The following SLC35D2 variants were observed in gnomAD, a reference collection of about 807,000 sequenced individuals.
SLC35D2 encodes solute carrier family 35 member D2.
In SLC35D2, 43 loss-of-function variants were observed where a neutral mutation model predicts 41.8. The observed-to-expected ratio is 1.03, with a 90% confidence interval of 0.81 to 1.33. SLC35D2 has a LOEUF of 1.33. Ranked by LOEUF, SLC35D2 falls within the 40% of genes most tolerant of loss-of-function variation. The pLI, the probability that SLC35D2 is intolerant of heterozygous loss-of-function variation, is 0.00. For missense variants in SLC35D2, 380 were observed against 408.4 expected, an observed-to-expected ratio of 0.93 and a Z score of 0.60; for synonymous variants, 150 against 163.9, an observed-to-expected ratio of 0.92 and a Z score of 0.65.
chr9:96,382,486 C>T (rs1363272303), intron 1 of SLC35D2, among the ~76,000 whole-genome samples: 1 of 144,816 alleles, frequency 6.9e-6, no homozygotes, highest in Non-Finnish European at 1.5e-5. Flanking sequence ...CACACACACA[C>T]ACACACACAC....
chr9:96,346,469 C>G (rs1399543079), intron 6 of SLC35D2, among the ~76,000 whole-genome samples: 1 of 152,136 alleles, frequency 6.6e-6, no homozygotes, highest in African/African-American at 2.4e-5. Context: ...CTCTCCTCTT[C>G]CTGGGATGGG....
At chr9:96,353,038 C>T (rs1010187613) in intron 4 of SLC35D2, among the ~76,000 whole-genome samples, 6 of 152,000 alleles carry the variant, frequency 3.9e-5, no homozygotes, top group South Asian at 2.1e-4. Context: ...AAAGTTCTGA[C>T]CTTGGACCTA....
intron 1 of SLC35D2, among the ~76,000 whole-genome samples, chr9:96,380,732 C>T (rs1304183345): frequency 6.6e-6 from 1 of 151,982 alleles, no homozygotes; most frequent in Non-Finnish European, 1.5e-5. Context: ...CTCAGGCTCC[C>T]GAAGTGCTGG....
chr9:96,380,803 C>A (rs760603575), intron 1 of SLC35D2, among the ~76,000 whole-genome samples: 12 of 151,636 alleles, frequency 7.9e-5, no homozygotes, highest in Non-Finnish European at 1.3e-4. Flanking sequence ...TTTAAGTTTT[C>A]TTTTTCCTTC....
chr9:96,368,232 A>G (rs768296738), intron 2 of SLC35D2, 40 bp downstream of exon 2: 2 of 1,514,478 alleles, frequency 1.3e-6, no homozygotes, highest in East Asian at 2.3e-5. Context: ...ATGAATACTG[A>G]TAACAAAATA....
chr9:96,354,341 T>C (rs1442640731), intron 4 of SLC35D2, among the ~76,000 whole-genome samples: 3 of 152,160 alleles, frequency 2.0e-5, no homozygotes, highest in Non-Finnish European at 4.4e-5. Flanking sequence ...GAGAACACCT[T>C]CTATACAGAA....
At chr9:96,380,102 G>A (rs1831132408) in intron 1 of SLC35D2, among the ~76,000 whole-genome samples, 1 of 152,082 alleles carries the variant, frequency 6.6e-6, no homozygotes, top group Admixed American at 6.5e-5. Flanking sequence ...TCACCATGTT[G>A]GTCAGGCTGG....
chr9:96,321,192 C>A lies in SLC35D2; in HGVS notation c.*50G>T, dbSNP rs776407783. On this transcript the variant is annotated 3_prime_UTR_variant, in exon 12 of 12. Transcript: ENST00000253270. ...TGGCTTCACATTCCTACTGGGAATGCCCCCCCAGCCCGCAGTCACAAGTCA... is the reference window on the plus strand; with the variant it reads ...TGGCTTCACATTCCTACTGGGAATGACCCCCCAGCCCGCAGTCACAAGTCA... The A allele has an allele frequency of 1.5e-6, 2 of 1,357,210 alleles. No individual in the cohort carries two copies. Among genetic ancestry groups the A allele is most frequent in the Non-Finnish European group, 2.1e-6 (2 of 955,644 alleles). 84.1% of individuals were successfully genotyped at this position (1,357,210 alleles called of 1,614,324 possible).
At chr9:96,322,110 T>C (rs1325158051) in intron 10 of SLC35D2, 30 bp from the exon 11 acceptor site, 1 of 1,398,312 alleles carries the variant, frequency 7.2e-7, no homozygotes, top group East Asian at 2.3e-5. Context: ...ATTCGTCATT[T>C]TAAAAGTAAA....
rs1829830184 is a variant in SLC35D2 at position 96,351,964 on chromosome 9, A to C, written c.419+74T>G. 7 of 914,618 alleles carry C rather than the reference A, an allele frequency of 7.7e-6. No individual in the cohort carries two copies. The South Asian group carries it at 1.0e-4, about 13-fold the overall frequency. 56.7% of individuals were successfully genotyped at this position (914,618 alleles called of 1,614,324 possible). ...TAAATTATTGCAACTAGCAATGGCT[A>C]CTAGAATTTGCTGGGTAAAAGAAAT... On this transcript the variant is annotated intron_variant, in intron 5 of 11. Coordinates refer to ENST00000253270, the MANE Select transcript of SLC35D2 (RefSeq NM_007001.3).
At chr9:96,334,221 C>G (rs960502051) in intron 9 of SLC35D2, among the ~76,000 whole-genome samples, 1 of 152,110 alleles carries the variant, frequency 6.6e-6, no homozygotes, top group African/African-American at 2.4e-5. Context: ...AGCCCAGACT[C>G]CCAAAAGGCC....
chr9:96,374,726 T>C (rs1281268447), intron 1 of SLC35D2, among the ~76,000 whole-genome samples: 1 of 149,940 alleles, frequency 6.7e-6, no homozygotes, highest in Non-Finnish European at 1.5e-5. Flanking sequence ...TAGTCCCAGC[T>C]ACTCGGGAGG....
intron 6 of SLC35D2, among the ~76,000 whole-genome samples, chr9:96,347,556 T>C (rs1435474242): frequency 6.6e-6 from 1 of 152,150 alleles, no homozygotes; most frequent in African/African-American, 2.4e-5. Context: ...TTACTTTTAT[T>C]TTTGTAGAGA....
chr9:96,363,787 C>T (rs1275661984), intron 3 of SLC35D2, among the ~76,000 whole-genome samples: 1 of 152,186 alleles, frequency 6.6e-6, no homozygotes, highest in African/African-American at 2.4e-5. Flanking sequence ...AACACATGGA[C>T]ATCAACCCAT....
At chr9:96,344,018 A>C in intron 7 of SLC35D2, 22 bp from the exon 8 acceptor site, 1 of 1,505,308 alleles carries the variant, frequency 6.6e-7, no homozygotes, top group Non-Finnish European at 9.0e-7. Flanking sequence ...AAAATGTAAA[A>C]ACCACTCAGT....
intron 4 of SLC35D2, among the ~76,000 whole-genome samples, chr9:96,358,080 T>TTTATATATATATATATATA (rs990002916): frequency 3.3e-4 from 41 of 122,648 alleles, no homozygotes; most frequent in African/African-American, 1.6e-3. Flanking sequence ...ATTATATATT[T>TTTATATATATATATATATA]TATATATATA....
chr9:96,313,517 C>T (rs1039580700), exon 12 of SLC35D2, among the ~76,000 whole-genome samples: 1 of 152,192 alleles, frequency 6.6e-6, no homozygotes, highest in Non-Finnish European at 1.5e-5. Flanking sequence ...ATCTCTGTCT[C>T]CAGACTCCCC....
chr9:96,368,193 C>T (rs1564122735), intron 2 of SLC35D2, 79 bp downstream of exon 2: 17 of 1,208,614 alleles, frequency 1.4e-5, no homozygotes, highest in Non-Finnish European at 1.2e-6. Flanking sequence ...CAAACCACAG[C>T]TTTAAACAAA....
downstream of SLC35D2, among the ~76,000 whole-genome samples, chr9:96,317,131 C>A (rs1378680627): frequency 5.4e-5 from 8 of 148,232 alleles, no homozygotes; most frequent in Non-Finnish European, 1.0e-4. Context: ...GAGCAAGACT[C>A]CCTCTCAAAA....
Sources: allele counts gnomAD v4.1 joint callset (sites outside exome capture counted in the v4.1 genomes callset), GRCh38; gene constraint gnomAD v4.1.1; transcripts MANE v1.5; gene names NCBI Gene and HGNC (gene_info 2026-07-23, HGNC 2026-07-21).